The following CSMD3 variants were observed in gnomAD, a reference collection of about 807,000 sequenced individuals.
CSMD3 encodes the protein CUB and sushi domain-containing protein 3.
A neutral mutation model predicts 435.2 loss-of-function variants in CSMD3; 177 were observed. The observed-to-expected ratio is 0.41, with a 90% CI of 0.36 to 0.46. The LOEUF is 0.46. Among genes scored for constraint, CSMD3 ranks in the 20% least tolerant of loss-of-function variants. The pLI, the probability that CSMD3 is intolerant of heterozygous loss-of-function variation, is 0.34. For synonymous variants in CSMD3, 1,656 were observed against 1,520.5 expected (o/e 1.09, Z -2.07); for missense variants, 4,265 against 4,504.6 (o/e 0.95, Z 1.52).
intron 3 of CSMD3, among the ~76,000 whole-genome samples, chr8:113,226,520 G>T (rs1563572671): frequency 6.6e-6 from 1 of 151,532 alleles, no homozygotes; most frequent in African/African-American, 2.4e-5. Flanking sequence ...TCATGCATAT[G>T]GTCCATCCCT....
chr8:112,448,413 G>C (rs1039334559), intron 32 of CSMD3, among the ~76,000 whole-genome samples: 1 of 152,124 alleles, frequency 6.6e-6, no homozygotes, highest in Non-Finnish European at 1.5e-5. Flanking sequence ...CCAATGGCTG[G>C]TGTCTTTATA....
intron 1 of CSMD3, among the ~76,000 whole-genome samples, chr8:113,318,781 ATAAG>A (rs1466891374): frequency 1.3e-5 from 1 of 77,314 alleles, no homozygotes; most frequent in Non-Finnish European, 3.0e-5. Context: ...TTAAGGCTGA[ATAAG>A]ATGTGTGTGT....
chr8:112,736,385 G>C (rs575774326), intron 13 of CSMD3, among the ~76,000 whole-genome samples: 1 of 152,016 alleles, frequency 6.6e-6, no homozygotes, highest in Non-Finnish European at 1.5e-5. Context: ...CTCCTGCCTT[G>C]ACAGGCTTTC....
At chr8:112,931,528 A>G (rs1009468642) in intron 9 of CSMD3, among the ~76,000 whole-genome samples, 2 of 151,932 alleles carry the variant, frequency 1.3e-5, no homozygotes, top group Non-Finnish European at 2.9e-5. Flanking sequence ...GTTCTAGGGA[A>G]CTTGTCTAGG....
chr8:113,402,379 A>AT (rs1377631947), intron 1 of CSMD3, among the ~76,000 whole-genome samples: 2 of 151,328 alleles, frequency 1.3e-5, no homozygotes, highest in African/African-American at 4.8e-5. Flanking sequence ...TTATACTTTG[A>AT]TTTATAAATA....
intron 12 of CSMD3, among the ~76,000 whole-genome samples, chr8:112,813,269 T>G (rs1046872127): frequency 1.3e-5 from 2 of 152,192 alleles, no homozygotes. Context: ...TGTGATTGCC[T>G]TTTAAACTCT....
At chr8:112,862,335 G>T (rs2080849728) in intron 10 of CSMD3, among the ~76,000 whole-genome samples, 1 of 151,980 alleles carries the variant, frequency 6.6e-6, no homozygotes, top group Non-Finnish European at 1.5e-5. Context: ...TTAGTCTGAA[G>T]ATTTTTTTGC....
At chr8:113,306,807 A>T (rs1006945510) in intron 2 of CSMD3, among the ~76,000 whole-genome samples, 15 of 152,180 alleles carry the variant, frequency 9.9e-5, no homozygotes, top group African/African-American at 3.6e-4. Context: ...ATGGTCTAAC[A>T]ATTACACAAG....
intron 32 of CSMD3, among the ~76,000 whole-genome samples, chr8:112,412,799 A>G (rs1261701608): frequency 6.6e-6 from 1 of 152,158 alleles, no homozygotes; most frequent in Non-Finnish European, 1.5e-5. Context: ...GTTAAATGCT[A>G]GGGTTAAGAA....
intron 31 of CSMD3, among the ~76,000 whole-genome samples, chr8:112,475,756 A>G (rs1056526739): frequency 2.0e-5 from 3 of 152,120 alleles, no homozygotes; most frequent in African/African-American, 7.2e-5. Flanking sequence ...AGCTTTTTAT[A>G]TTCTTACTTT....
intron 35 of CSMD3, among the ~76,000 whole-genome samples, chr8:112,403,371 G>C (rs1831497776): frequency 6.6e-6 from 1 of 152,128 alleles, no homozygotes; most frequent in Admixed American, 6.6e-5. Context: ...CCATAGATTT[G>C]TCAGAGGATT....
intron 13 of CSMD3, among the ~76,000 whole-genome samples, chr8:112,798,733 A>G (rs2078887811): frequency 6.6e-6 from 1 of 151,896 alleles, no homozygotes; most frequent in African/African-American, 2.4e-5. Flanking sequence ...TTCAAGCATT[A>G]TCATTAATAA....
intron 9 of CSMD3, among the ~76,000 whole-genome samples, chr8:112,939,035 T>C (rs929740575): frequency 6.6e-6 from 1 of 152,122 alleles, no homozygotes; most frequent in African/African-American, 2.4e-5. Flanking sequence ...TAACTGATAT[T>C]ATATCACCTC....
At chr8:113,194,457 G>A (rs1254523231) in intron 3 of CSMD3, among the ~76,000 whole-genome samples, 1 of 151,258 alleles carries the variant, frequency 6.6e-6, no homozygotes, top group Non-Finnish European at 1.5e-5. Context: ...CTATTTTATA[G>A]GAAACTATGA....
At chr8:112,472,568 A>G (rs762088596) in intron 32 of CSMD3, 23 bp downstream of exon 32, 2 of 1,211,710 alleles carry the variant, frequency 1.7e-6, no homozygotes, top group East Asian at 2.3e-5. Flanking sequence ...GAAATACTAC[A>G]TAATGAGTCG....
At chr8:113,401,682 C>T (rs1422679359) in intron 1 of CSMD3, among the ~76,000 whole-genome samples, 4 of 151,550 alleles carry the variant, frequency 2.6e-5, no homozygotes, top group Non-Finnish European at 4.4e-5. Flanking sequence ...TTAACATAGA[C>T]AGCATTTTAA....
intron 13 of CSMD3, among the ~76,000 whole-genome samples, chr8:112,754,552 A>T (rs937450438): frequency 3.9e-5 from 6 of 152,210 alleles, no homozygotes; most frequent in Non-Finnish European, 8.8e-5. Context: ...CATTTAGGCA[A>T]CAAGGATTAA....
At chr8:113,172,660 A>G (rs934806812) in intron 4 of CSMD3, among the ~76,000 whole-genome samples, 2 of 152,194 alleles carry the variant, frequency 1.3e-5, no homozygotes, top group African/African-American at 4.8e-5. Context: ...ATGGCAATTG[A>G]CAAAGCTGGG....
At chr8:112,873,151 A>C (rs1471945761) in intron 10 of CSMD3, among the ~76,000 whole-genome samples, 1 of 152,036 alleles carries the variant, frequency 6.6e-6, no homozygotes, top group Non-Finnish European at 1.5e-5. Flanking sequence ...AGTTGGAACA[A>C]TGTCTACTTG....
Sources: gnomAD v4.1 joint callset for allele counts (sites outside exome capture counted in the v4.1 genomes callset) on GRCh38, gnomAD v4.1.1 for gene constraint, MANE v1.5 for transcripts, NCBI Gene and HGNC (gene_info 2026-07-23, HGNC 2026-07-21) for gene names.